Variants in PGM3 observed in about 807,000 individuals in gnomAD.
The protein encoded by PGM3 is phosphoacetylglucosamine mutase.
PGM3 carries 40 observed loss-of-function variants against 66.2 expected under a neutral mutation model. The ratio of observed to expected loss-of-function variants is 0.60; its 90% CI spans 0.47 to 0.79. PGM3 has a LOEUF of 0.79. Among genes scored for constraint, PGM3 ranks in the 30% least tolerant of loss-of-function variants. The probability of loss-of-function intolerance (pLI) is 0.00; values close to 1 mark genes in which losing one functional copy is unlikely to be tolerated. For missense variants in PGM3, 537 were observed against 643.4 expected, an observed-to-expected ratio of 0.83 and a Z score of 1.79; for synonymous variants, 191 against 224.2, an observed-to-expected ratio of 0.85 and a Z score of 1.32.
chr6:83,188,011 T>C (rs1788714049), intron 3 of PGM3, among the ~76,000 whole-genome samples: 1 of 152,132 alleles, frequency 6.6e-6, no homozygotes, highest in African/African-American at 2.4e-5. Flanking sequence ...AGTCCAGGTA[T>C]TGGAGATTGA....
chr6:83,187,083 A>T lies in PGM3; in HGVS notation c.390-8T>A. The T allele has an allele frequency of 6.4e-7, 1 of 1,564,264 alleles. No individual in the cohort carries two copies. Among genetic ancestry groups the T allele is most frequent in the Non-Finnish European group, 8.8e-7 (1 of 1,137,690 alleles). ...AGTTTCTCACTGCTGGGCCTAGGAA[A>T]GAAAAGGAAGAAAATAATATATCCC... On this transcript the variant is annotated splice_region_variant and splice_polypyrimidine_tract_variant and intron_variant, in intron 3 of 12. Coordinates refer to ENST00000513973, the MANE Select transcript of PGM3 (RefSeq NM_015599.3).
Position 83,164,932 on chromosome 6 carries a change from G to A in PGM3, c.*4302C>T. Reference sequence around the variant, plus strand: ...AGACAATACATATAGTTCTGATTAAGAGCATCAGAAACTCTGAATCAAGTG... The same window carrying A: ...AGACAATACATATAGTTCTGATTAAAAGCATCAGAAACTCTGAATCAAGTG... On this transcript the variant is annotated 3_prime_UTR_variant, in exon 13 of 13. Coordinates refer to ENST00000513973, the MANE Select transcript of PGM3 (RefSeq NM_015599.3). The A allele has an allele frequency of 2.1e-6, 1 of 465,932 alleles. No individual in the cohort carries two copies. The highest frequency in any genetic ancestry group is 3.8e-6 in the Non-Finnish European group (1 of 264,642). The allele number at this position is 465,932 out of a possible 1,614,324, so 28.9% of individuals were successfully genotyped here. A position where few individuals can be genotyped will look rare whatever the true frequency, so the allele number is the denominator to read the frequency against.
the PGM3 span, chr6:83,154,262 A>G: frequency 1.2e-6 from 2 of 1,604,910 alleles, no homozygotes; most frequent in South Asian, 1.1e-5. Context: ...CGGGATGACA[A>G]TCCAAGTTCT....
At chr6:83,151,349 G>C in the PGM3 span, among the ~76,000 whole-genome samples, 1 of 152,082 alleles carries the variant, frequency 6.6e-6, no homozygotes, top group African/African-American at 2.4e-5. Flanking sequence ...TTCTGCTCTT[G>C]CTGGACATCT....
chr6:83,191,968 A>AAAAAAAAAAAAAAAC (rs1789125163), intron 1 of PGM3, among the ~76,000 whole-genome samples: 1 of 147,014 alleles, frequency 6.8e-6, no homozygotes, highest in South Asian at 2.1e-4. Flanking sequence ...CAAAAAAAAA[A>AAAAAAAAAAAAAAAC]AAAAAAAAAA....
At chr6:83,157,429 TA>T (rs1783033540), downstream of PGM3, 3 of 1,130,772 alleles carry the variant, frequency 2.7e-6, no homozygotes, top group East Asian at 7.2e-5. Flanking sequence ...GAGCTGTAGT[TA>T]AACCAGTTAC....
At chr6:83,156,865 C>T (rs1219377409), downstream of PGM3, among the ~76,000 whole-genome samples, 1 of 151,476 alleles carries the variant, frequency 6.6e-6, no homozygotes, top group Admixed American at 6.6e-5. Context: ...ATCAGTGCTA[C>T]TCAAAGTATG....
chr6:83,152,571 T>C, the PGM3 span, among the ~76,000 whole-genome samples: 1 of 151,970 alleles, frequency 6.6e-6, no homozygotes, highest in Non-Finnish European at 1.5e-5. Context: ...ATTTAGATAC[T>C]GCTTCCCTTC....
downstream of PGM3, chr6:83,159,594 G>T (rs1270461704): frequency 9.6e-6 from 6 of 628,206 alleles, no homozygotes; most frequent in Non-Finnish European, 1.7e-5. Context: ...CCCAGTCTAT[G>T]TACTGTTTTT....
chr6:83,169,984 A>G (rs1394540108), intron 12 of PGM3: 5 of 394,440 alleles, frequency 1.3e-5, no homozygotes, highest in African/African-American at 2.1e-5. Context: ...TATATTTTTA[A>G]AAGAAGAGAA....
chr6:83,192,661 A>C (rs977800214), intron 1 of PGM3, among the ~76,000 whole-genome samples: 2 of 152,110 alleles, frequency 1.3e-5, no homozygotes, highest in African/African-American at 4.8e-5. Context: ...ATGATTATTC[A>C]TAAGAGTGTA....
the PGM3 span, chr6:83,149,013 G>C: frequency 2.2e-6 from 1 of 457,914 alleles, no homozygotes. Context: ...TATAAGGCCT[G>C]TTTAAGAAAA....
At chr6:83,155,298 CAAAAAAA>C in the PGM3 span, among the ~76,000 whole-genome samples, 1 of 57,788 alleles carries the variant, frequency 1.7e-5, no homozygotes, top group African/African-American at 6.2e-5. Context: ...CCCAGCTCTA[CAAAAAAA>C]AAAAAAAAAA....
chr6:83,173,239 T>C (rs556044569), intron 10 of PGM3, among the ~76,000 whole-genome samples: 1 of 152,290 alleles, frequency 6.6e-6, no homozygotes, highest in South Asian at 2.1e-4. Context: ...TTTTTGTGGA[T>C]GGATAAAATA....
the PGM3 span, chr6:83,155,802 G>C: frequency 1.2e-6 from 1 of 857,092 alleles, no homozygotes; most frequent in Non-Finnish European, 1.7e-6. Flanking sequence ...CTGTTTGCCA[G>C]CCTGTCTGCC....
chr6:83,149,009 G>A, the PGM3 span: 1 of 480,252 alleles, frequency 2.1e-6, no homozygotes. Context: ...GATGTATAAG[G>A]CCTGTTTAAG....
At chr6:83,170,179 T>C (rs965300316) in intron 12 of PGM3, 126 bp downstream of exon 12, 4 of 800,716 alleles carry the variant, frequency 5.0e-6, no homozygotes, top group East Asian at 5.1e-5. Flanking sequence ...AGTCTTAATG[T>C]GAACCTAAAA....
rs1375022496 is a variant in PGM3 at position 83,165,267 on chromosome 6, A to G, written c.*3967T>C. On this transcript the variant is annotated 3_prime_UTR_variant, in exon 13 of 13. Coordinates refer to ENST00000513973, the MANE Select transcript of PGM3 (RefSeq NM_015599.3). ...TTAAGAAAGAAAGAAAGAAAGTTTT[A>G]TATATCCTGTAATCTAGACTGGAAG... 1.3e-5 allele frequency: 2 copies of G among 152,474 alleles called. No homozygotes were observed. The highest frequency in any genetic ancestry group is 4.8e-5 in the African/African-American group (2 of 41,284). The allele number at this position is 152,474 out of a possible 1,614,324, so 9.4% of individuals were successfully genotyped here.
In PGM3 at chr6:83,167,892, A is replaced by G; in HGVS notation, c.*1342T>C. On this transcript the variant is annotated 3_prime_UTR_variant, in exon 13 of 13. Transcript: ENST00000513973. The stretch of plus-strand genomic sequence containing the variant: ...TCCAGAGGAAGACAACTCAGGGAGA[A>G]CATTGGGTTGGGAGCCAGGGCACTT... 6.2e-7 allele frequency: 1 copy of G among 1,613,138 alleles called. No homozygotes were observed. The highest frequency in any genetic ancestry group is 1.1e-5 in the South Asian group (1 of 90,932).
Sources: gnomAD v4.1 joint callset for allele counts (sites outside exome capture counted in the v4.1 genomes callset) on GRCh38, gnomAD v4.1.1 for gene constraint, MANE v1.5 for transcripts, NCBI Gene and HGNC (gene_info 2026-07-23, HGNC 2026-07-21) for gene names.